The following ATF6 variants were observed in gnomAD, a reference collection of about 807,000 sequenced individuals.
The protein encoded by ATF6 is cyclic AMP-dependent transcription factor ATF-6 alpha.
In ATF6, 53 loss-of-function variants were observed where a neutral mutation model predicts 83.6. That is an observed-to-expected ratio of 0.63 (90% confidence interval 0.51 to 0.80). The LOEUF is 0.80. ATF6 is among the 30% of genes least tolerant of loss of function. ATF6 has a pLI of 0.00. For synonymous variants in ATF6, 288 were observed against 285.8 expected (o/e 1.01, Z -0.08); for missense variants, 744 against 797.9 (o/e 0.93, Z 0.81).
chr1:161,894,117 A>G (rs1162015905), intron 14 of ATF6, among the ~76,000 whole-genome samples: 2 of 152,134 alleles, frequency 1.3e-5, no homozygotes, highest in Non-Finnish European at 2.9e-5. Context: ...TAAACTTAGG[A>G]ACTGGTGTTA....
intron 15 of ATF6, among the ~76,000 whole-genome samples, chr1:161,925,456 T>TTTTTCA (rs5778241): frequency 0.63 from 95,271 of 151,346 alleles, 31,718 homozygotes; most frequent in Non-Finnish European, 0.75. Flanking sequence ...TTAGATACAG[T>TTTTTCA]TTAAGTTCCT....
chr1:161,866,001 A>T (rs1686989913), intron 14 of ATF6, among the ~76,000 whole-genome samples: 1 of 152,176 alleles, frequency 6.6e-6, no homozygotes, highest in Non-Finnish European at 1.5e-5. Context: ...AAATATTCTA[A>T]CAGTTTCATT....
At chr1:161,884,976 T>C (rs1457146754) in intron 14 of ATF6, among the ~76,000 whole-genome samples, 3 of 152,174 alleles carry the variant, frequency 2.0e-5, no homozygotes, top group African/African-American at 7.2e-5. Context: ...CTAGTGAATT[T>C]AGCATTTATA....
At chr1:161,879,255 AT>A (rs1274778699) in intron 14 of ATF6, among the ~76,000 whole-genome samples, 2 of 152,112 alleles carry the variant, frequency 1.3e-5, no homozygotes, top group Non-Finnish European at 2.9e-5. Flanking sequence ...GGTGTAGAAG[AT>A]TTAAGCAGAG....
At position 161,962,469 on chromosome 1, in the gene ATF6, T is replaced by C. The variant is rs1361055581; in HGVS notation, c.*3815T>C. 1 of 152,194 alleles carries C rather than the reference T, an allele frequency of 6.6e-6. No homozygotes were observed. The highest frequency in any genetic ancestry group is 1.9e-4 in the East Asian group (1 of 5,194). The allele number at this position is 152,194 out of a possible 1,614,324, so 9.4% of individuals were successfully genotyped here. On this transcript the variant is annotated 3_prime_UTR_variant, in exon 16 of 16. Coordinates refer to ENST00000367942, the MANE Select transcript of ATF6 (RefSeq NM_007348.4). ...AGCTCTTTGCCACTTTCCTACTATT[T>C]TTTGATTCTTGCCATTTTACCAAGC...
rs759957513 is a variant in ATF6 at position 161,766,342 on chromosome 1, G to T, written c.-19G>T. ...CCCAGATATTAATCACGGAGTTCCA[G>T]GGAGAAGGAACTTGTGAAATGGGGG... On this transcript the variant is annotated 5_prime_UTR_variant, in exon 1 of 16. It adds an upstream start codon to the 5' untranslated region. Transcript: ENST00000367942. 1 of 1,610,082 alleles carries T rather than the reference G, an allele frequency of 6.2e-7. No individual in the cohort carries two copies. The highest frequency in any genetic ancestry group is 8.5e-7 in the Non-Finnish European group (1 of 1,176,794).
Position 161,842,774 on chromosome 1 carries a change from A to G in ATF6, c.1188-3675A>G, listed in dbSNP as rs553495332. 5.9e-5 allele frequency among the ~76,000 whole-genome samples: 9 copies of G among 152,080 alleles called. No individual in the cohort carries two copies. In the East Asian group the frequency reaches 1.7e-3, roughly 29 times the overall value. On this transcript the variant is annotated intron_variant, in intron 9 of 15. Coordinates refer to ENST00000367942, the MANE Select transcript of ATF6 (RefSeq NM_007348.4). The stretch of plus-strand genomic sequence containing the variant: ...AAATAAAAAATTTTAAAAAAAGATA[A>G]TTATTAATCCAGTTTTTGGTGAATC...
chr1:161,809,773 G>A (rs915304513), intron 7 of ATF6, among the ~76,000 whole-genome samples: 1 of 152,174 alleles, frequency 6.6e-6, no homozygotes, highest in Non-Finnish European at 1.5e-5. Flanking sequence ...GTTTTGATTT[G>A]CATTTCTCTG....
intron 14 of ATF6, among the ~76,000 whole-genome samples, chr1:161,884,518 T>G (rs1040485636): frequency 6.7e-6 from 1 of 149,662 alleles, no homozygotes; most frequent in African/African-American, 2.4e-5. Flanking sequence ...ACTTTTATAG[T>G]TTTTTTTTTA....
At chr1:161,834,344 C>CT (rs775171498) in intron 9 of ATF6, among the ~76,000 whole-genome samples, 111 of 151,834 alleles carry the variant, frequency 7.3e-4, no homozygotes, top group Non-Finnish European at 1.5e-3. Flanking sequence ...TATTGCGGCA[C>CT]TATTCACAAT....
intron 14 of ATF6, among the ~76,000 whole-genome samples, chr1:161,871,095 A>G (rs1250265654): frequency 2.0e-5 from 3 of 151,718 alleles, no homozygotes; most frequent in African/African-American, 7.2e-5. Context: ...TACTCAGACC[A>G]CTAACTGTTT....
At chr1:161,834,588 A>G (rs1166338361) in intron 9 of ATF6, among the ~76,000 whole-genome samples, 2 of 140,998 alleles carry the variant, frequency 1.4e-5, no homozygotes, top group Non-Finnish European at 3.0e-5. Context: ...GAACACATGG[A>G]CACAGAAAGG....
chr1:161,830,048 C>A (rs1022459152), intron 9 of ATF6, among the ~76,000 whole-genome samples: 1 of 152,074 alleles, frequency 6.6e-6, no homozygotes, highest in African/African-American at 2.4e-5. Flanking sequence ...TTTAGAAAAC[C>A]CCATTATCTT....
chr1:161,871,020 T>A (rs1054656856), intron 14 of ATF6, among the ~76,000 whole-genome samples: 14 of 151,752 alleles, frequency 9.2e-5, no homozygotes, highest in African/African-American at 3.4e-4. Context: ...TTCTGTTTTG[T>A]CTTTTACAAG....
intron 2 of ATF6, 41 bp downstream of exon 2, chr1:161,778,361 TTAACCC>T (rs753109376): frequency 6.7e-7 from 1 of 1,496,962 alleles, no homozygotes; most frequent in Non-Finnish European, 9.3e-7. Flanking sequence ...TATTTAGTCT[TTAACCC>T]TAATTATTGC....
intron 15 of ATF6, among the ~76,000 whole-genome samples, chr1:161,950,134 T>G (rs1411782086): frequency 6.6e-6 from 1 of 152,242 alleles, no homozygotes; most frequent in African/African-American, 2.4e-5. Context: ...CCAAAATATT[T>G]TAAGATTCCA....
rs1290606007 is a variant in ATF6 at position 161,899,933 on chromosome 1, G to GA, written c.1720-12355dup. ...CTTCATTTCAATATAACATTGATGA[G>GA]AAAAAAAATCAGTTCCCAGCTGGGA... On this transcript the variant is annotated intron_variant, in intron 14 of 15. Transcript: ENST00000367942. Among the ~76,000 whole-genome samples, 6 of 151,990 alleles carry GA rather than the reference G, an allele frequency of 3.9e-5. No individual in the cohort carries two copies. The East Asian group carries it at 9.7e-4, about 25-fold the overall frequency.
chr1:161,939,366 G>T (rs935146672), intron 15 of ATF6, among the ~76,000 whole-genome samples: 1 of 152,154 alleles, frequency 6.6e-6, no homozygotes, highest in African/African-American at 2.4e-5. Context: ...TGCACAACGT[G>T]CAGGTTTGTT....
intron 15 of ATF6, among the ~76,000 whole-genome samples, chr1:161,956,688 A>G (rs1688973111): frequency 6.6e-6 from 1 of 152,260 alleles, no homozygotes; most frequent in Non-Finnish European, 1.5e-5. Flanking sequence ...AACTTCAACT[A>G]TAATGGAAGA....
Sources: allele counts gnomAD v4.1 joint callset (sites outside exome capture counted in the v4.1 genomes callset), GRCh38; gene constraint gnomAD v4.1.1; transcripts MANE v1.5; gene names NCBI Gene and HGNC (gene_info 2026-07-23, HGNC 2026-07-21).